RAB19: variants seen among roughly 807,000 people sequenced by gnomAD.
The protein encoded by RAB19 is RAB19, member RAS oncogene family, also known as ras-related protein Rab-19.
A neutral mutation model predicts 17.3 loss-of-function variants in RAB19; 21 were observed. The observed-to-expected ratio is 1.21, with a 90% CI of 0.86 to 1.74. RAB19 has a LOEUF of 1.74. RAB19 is among the 40% of genes most tolerant of loss of function. The pLI is 0.00. For synonymous variants in RAB19, 126 were observed against 110.4 expected (o/e 1.14, Z -0.88); for missense variants, 277 against 286.8 (o/e 0.97, Z 0.25).
rs577001426 is a variant in RAB19, at chr7:140,419,196, AG to A, written c.386-6685del. 2.5e-3 allele frequency among the ~76,000 whole-genome samples: 380 copies of A among 151,606 alleles called. 3 individuals are homozygous for A. The highest frequency in any genetic ancestry group is 9.0e-3 in the African/African-American group (371 of 41,342). On this transcript the variant is annotated intron_variant, in intron 3 of 3. Transcript: ENST00000537763. ...GTGATTCTCATGCCTCAGCCTCCCA[AG>A]TAGCTGGGATTACAGGCATGTGCCA...
intron 2 of RAB19, 114 bp downstream of exon 2, chr7:140,407,961 T>G: frequency 1.2e-6 from 1 of 812,032 alleles, no homozygotes; most frequent in Non-Finnish European, 1.9e-6. Flanking sequence ...GCCTCCCGGG[T>G]TCATGCCATT....
intron 2 of RAB19, chr7:140,411,094 C>T: frequency 1.5e-6 from 2 of 1,367,602 alleles, no homozygotes; most frequent in Non-Finnish European, 2.0e-6. Context: ...CACAAGACCC[C>T]AGGATAAAAT....
intron 1 of RAB19, among the ~76,000 whole-genome samples, chr7:140,406,640 C>CA (rs1245342381): frequency 0.011 from 1,208 of 109,842 alleles, 8 homozygotes; most frequent in African/African-American, 0.037. Flanking sequence ...CTCTTTGTCT[C>CA]AAAAAAAAAA....
In RAB19 at chr7:140,409,132, G is replaced by C. The variant is rs1020305349; in HGVS notation, c.201+1285G>C. Among the ~76,000 whole-genome samples the C allele has an allele frequency of 2.0e-4, 30 of 152,098 alleles. 1 individual carries two copies. The highest frequency in any genetic ancestry group is 1.7e-3 in the Admixed American group (26 of 15,278). Reference sequence around the variant, plus strand: ...TAATCCCAGCACTTCGGGAGGCCGAGGCGGGTGGATGACTTGAGGTCAGAA... The same window carrying C: ...TAATCCCAGCACTTCGGGAGGCCGACGCGGGTGGATGACTTGAGGTCAGAA... On this transcript the variant is annotated intron_variant, in intron 2 of 3. Coordinates refer to ENST00000537763, the MANE Select transcript of RAB19 (RefSeq NM_001008749.3).
intron 3 of RAB19, 145 bp from the exon 4 acceptor site, chr7:140,425,736 GA>G: frequency 1.3e-6 from 1 of 783,422 alleles, no homozygotes; most frequent in Non-Finnish European, 2.0e-6. Flanking sequence ...AAAAAAAAAA[GA>G]AACAAAAAAA....
At chr7:140,420,561 A>G (rs1799540370) in intron 3 of RAB19, among the ~76,000 whole-genome samples, 3 of 152,142 alleles carry the variant, frequency 2.0e-5, no homozygotes, top group Non-Finnish European at 2.9e-5. Flanking sequence ...ACTAAGCACA[A>G]TTCAAAGAAA....
At chr7:140,407,498 C>T (rs898887200) in intron 1 of RAB19, 126 bp from the exon 2 acceptor site, 6 of 653,914 alleles carry the variant, frequency 9.2e-6, no homozygotes, top group Non-Finnish European at 1.6e-5. Context: ...CTCCTCTGTG[C>T]CCGACTAGCA....
chr7:140,426,843 T>TA lies in RAB19; in HGVS notation c.*693_*694insA, dbSNP rs1799681471. ...CACCTGCAATTTTTTTTCTTTCTTT[T>TA]TTTTTTTTTTTTTTTTGAGACAGGG... On this transcript the variant is annotated 3_prime_UTR_variant, in exon 4 of 4. Transcript: ENST00000537763. 6.8e-6 allele frequency among the ~76,000 whole-genome samples: 1 copy of TA among 147,684 alleles called. No homozygotes were observed. The highest frequency in any genetic ancestry group is 2.5e-5 in the African/African-American group (1 of 40,062).
At chr7:140,424,639 A>ATATATGTG (rs1554442794) in intron 3 of RAB19, among the ~76,000 whole-genome samples, 9 of 138,360 alleles carry the variant, frequency 6.5e-5, no homozygotes, top group East Asian at 6.4e-4. Flanking sequence ...ATATATATAT[A>ATATATGTG]TGTGTGTGTG....
rs1799346619 is a variant in RAB19 at position 140,410,862 on chromosome 7, A to T, written c.202-1012A>T. 8 of 1,222,670 alleles carry T rather than the reference A, an allele frequency of 6.5e-6. No homozygotes were observed. The Admixed American group carries it at 1.4e-4, about 21-fold the overall frequency. The allele number at this position is 1,222,670 out of a possible 1,614,324, so 75.7% of individuals were successfully genotyped here. ...AATATGAAGAAATTGCTACCCTCAGACACTGTGAGAGGCTGTGTGAATTGG... is the reference window on the plus strand; with the variant it reads ...AATATGAAGAAATTGCTACCCTCAGTCACTGTGAGAGGCTGTGTGAATTGG... On this transcript the variant is annotated intron_variant, in intron 2 of 3. Coordinates refer to ENST00000537763, the MANE Select transcript of RAB19 (RefSeq NM_001008749.3).
At chr7:140,424,105 T>C (rs1311101928) in intron 3 of RAB19, among the ~76,000 whole-genome samples, 1 of 151,796 alleles carries the variant, frequency 6.6e-6, no homozygotes, top group Non-Finnish European at 1.5e-5. Flanking sequence ...TCCACCCGCC[T>C]CGGCTTCCCA....
intron 3 of RAB19, among the ~76,000 whole-genome samples, chr7:140,419,794 T>G (rs1226810804): frequency 6.6e-6 from 1 of 152,150 alleles, no homozygotes; most frequent in Non-Finnish European, 1.5e-5. Flanking sequence ...CTCACCAACA[T>G]CTGGTGCTAT....
intron 3 of RAB19, among the ~76,000 whole-genome samples, chr7:140,424,064 G>C (rs1013569419): frequency 3.3e-5 from 5 of 151,610 alleles, no homozygotes; most frequent in Non-Finnish European, 7.4e-5. Context: ...CATGTTGGCT[G>C]GGATGGTCTC....
At chr7:140,412,108 C>T (rs1799377124) in intron 3 of RAB19, 51 bp downstream of exon 3, 2 of 1,511,206 alleles carry the variant, frequency 1.3e-6, no homozygotes, top group South Asian at 2.3e-5. Flanking sequence ...TCTGAGGATG[C>T]TCAGCTTTCT....
chr7:140,425,884 A>G lies in RAB19; in HGVS notation c.388A>G (p.Asn130Asp). The change falls in exon 4 of 4, where the codon AAT (asparagine) becomes GAT (aspartate). Residue 130 changes from asparagine (N) to aspartate (D), a missense_variant and splice_region_variant. Asn to Asp is a conservative substitution (Grantham distance 23). Coordinates refer to ENST00000537763, the MANE Select transcript of RAB19 (RefSeq NM_001008749.3). ...AANVVIMLIG[N>D]KCDLWEKRHV... The stretch of plus-strand genomic sequence containing the variant: ...ATCGGCTTATCTTTTCCTTCCAGGA[A>G]ATAAATGTGACCTCTGGGAAAAGCG... The G allele has an allele frequency of 6.2e-7, 1 of 1,604,362 alleles. No homozygotes were observed. Among genetic ancestry groups the G allele is most frequent in the Non-Finnish European group, 8.5e-7 (1 of 1,174,138 alleles).
chr7:140,409,023 G>C (rs12703839), intron 2 of RAB19, among the ~76,000 whole-genome samples: 93,301 of 152,034 alleles, frequency 0.61, 28,922 homozygotes, highest in East Asian at 0.8. Flanking sequence ...CCCTCCCAAA[G>C]TGCCGGGATT....
At chr7:140,421,179 C>G (rs577887648) in intron 3 of RAB19, among the ~76,000 whole-genome samples, 84 of 152,156 alleles carry the variant, frequency 5.5e-4, no homozygotes, top group Non-Finnish European at 9.3e-4. Flanking sequence ...GCATGAGCCA[C>G]CACGCCTGGC....
At chr7:140,424,416 C>T (rs1799616018) in intron 3 of RAB19, among the ~76,000 whole-genome samples, 1 of 151,966 alleles carries the variant, frequency 6.6e-6, no homozygotes, top group Admixed American at 6.6e-5. Flanking sequence ...CTCGGCTTCC[C>T]AAAGTGCAGG....
rs770838607 is a variant in RAB19, at chr7:140,407,746, G to A, written c.100G>A (p.Val34Met). 65 of 1,613,816 alleles carry A rather than the reference G, an allele frequency of 4.0e-5. 1 individual carries two copies. The South Asian group carries it at 7.1e-4, about 18-fold the overall frequency. Residue 34 changes from valine (V) to methionine (M), a missense_variant, in exon 2 of 4, where the codon GTG (valine) becomes ATG (methionine). Physicochemically the swap from Val to Met is conservative, Grantham distance 21. Transcript: ENST00000537763. ...TTCCAATGTGGGGAAGACGTGTGTGGTGCAGCATTTCAAGTCTGGAGTCTA... is the reference window on the plus strand; with the variant it reads ...TTCCAATGTGGGGAAGACGTGTGTGATGCAGCATTTCAAGTCTGGAGTCTA... ...GDSNVGKTCV[V>M]QHFKSGVYTE...
Sources: allele counts gnomAD v4.1 joint callset (sites outside exome capture counted in the v4.1 genomes callset), GRCh38; gene constraint gnomAD v4.1.1; transcripts MANE v1.5; gene names NCBI Gene and HGNC (gene_info 2026-07-23, HGNC 2026-07-21).